Variants in SKAP1 observed in about 807,000 individuals in gnomAD.
The protein encoded by SKAP1 is src kinase-associated phosphoprotein 1.
In SKAP1, 44 loss-of-function variants were observed where a neutral mutation model predicts 58.5. The ratio of observed to expected loss-of-function variants is 0.75; its 90% CI spans 0.59 to 0.97. SKAP1 has a LOEUF of 0.97. Ranked by LOEUF, SKAP1 falls within the 50% of genes least tolerant of loss-of-function variation. The pLI is 0.00. For synonymous variants in SKAP1, 127 were observed against 149.7 expected (o/e 0.85, Z 1.11); for missense variants, 390 against 435.2 (o/e 0.90, Z 0.92).
chr17:48,442,465 A>G, the SKAP1 span, among the ~76,000 whole-genome samples: 1 of 152,126 alleles, frequency 6.6e-6, no homozygotes, highest in African/African-American at 2.4e-5. Context: ...CACTCACTGA[A>G]GCCTTAGTTC....
intron 4 of SKAP1, among the ~76,000 whole-genome samples, chr17:48,274,462 C>T (rs1336730974): frequency 6.6e-6 from 1 of 151,736 alleles, no homozygotes; most frequent in Non-Finnish European, 1.5e-5. Context: ...TTTGGGAGGC[C>T]GAGGCAGGTG....
chr17:48,391,776 A>G (rs1217525160), intron 2 of SKAP1, among the ~76,000 whole-genome samples: 1 of 138,834 alleles, frequency 7.2e-6, no homozygotes, highest in Admixed American at 7.7e-5. Context: ...TCATTCAACT[A>G]CCTCTTCCTT....
chr17:48,199,655 T>G (rs1172985139), intron 4 of SKAP1, among the ~76,000 whole-genome samples: 1 of 152,172 alleles, frequency 6.6e-6, no homozygotes, highest in Non-Finnish European at 1.5e-5. Context: ...CGTGCTCCAT[T>G]CTTGCCACTT....
At chr17:48,204,814 C>G (rs1254821124) in intron 4 of SKAP1, among the ~76,000 whole-genome samples, 1 of 152,078 alleles carries the variant, frequency 6.6e-6, no homozygotes, top group Non-Finnish European at 1.5e-5. Context: ...AGCTCTGATG[C>G]AGAATCTGAG....
intron 4 of SKAP1, among the ~76,000 whole-genome samples, chr17:48,331,484 G>A (rs1024768106): frequency 3.9e-5 from 6 of 152,076 alleles, no homozygotes; most frequent in African/African-American, 1.4e-4. Context: ...CGGATCACCT[G>A]AGGTCGGGAG....
intron 4 of SKAP1, among the ~76,000 whole-genome samples, chr17:48,319,553 T>A (rs1446422539): frequency 6.6e-6 from 1 of 152,198 alleles, no homozygotes; most frequent in Admixed American, 6.5e-5. Flanking sequence ...CCAGTAATTT[T>A]AAAATTCTGG....
chr17:48,190,584 T>G (rs1350495198), intron 4 of SKAP1, among the ~76,000 whole-genome samples: 7 of 152,176 alleles, frequency 4.6e-5, no homozygotes, highest in Admixed American at 3.3e-4. Flanking sequence ...TTTTTTTCTC[T>G]TAACAAACAG....
At chr17:48,197,216 C>T (rs972443247) in intron 4 of SKAP1, among the ~76,000 whole-genome samples, 9 of 144,424 alleles carry the variant, frequency 6.2e-5, no homozygotes, top group Non-Finnish European at 1.2e-4. Flanking sequence ...CGAGATTGCG[C>T]CACTGCACTC....
chr17:48,443,138 G>A, the SKAP1 span, among the ~76,000 whole-genome samples: 3 of 152,112 alleles, frequency 2.0e-5, no homozygotes, highest in South Asian at 6.2e-4. Flanking sequence ...CATGCTTCAA[G>A]TCTCAACTTC....
chr17:48,357,629 C>CA (rs201907150), intron 3 of SKAP1, among the ~76,000 whole-genome samples: 2,425 of 148,524 alleles, frequency 0.016, 75 homozygotes, highest in African/African-American at 0.058. Flanking sequence ...GACTCTGTCT[C>CA]AGAAAAAAAG....
intron 1 of SKAP1, among the ~76,000 whole-genome samples, chr17:48,426,036 A>G (rs1012001568): frequency 6.6e-6 from 1 of 152,190 alleles, no homozygotes; most frequent in Admixed American, 6.5e-5. Flanking sequence ...GATCACAAAT[A>G]TTTATAAGAA....
chr17:48,435,384 A>T, the SKAP1 span, among the ~76,000 whole-genome samples: 1 of 152,000 alleles, frequency 6.6e-6, no homozygotes, highest in Non-Finnish European at 1.5e-5. Flanking sequence ...TGAAGTGGAG[A>T]TGGGGGGACT....
At chr17:48,373,847 A>G (rs71377358) in intron 2 of SKAP1, among the ~76,000 whole-genome samples, 4,468 of 152,284 alleles carry the variant, frequency 0.029, 241 homozygotes, top group African/African-American at 0.1. Context: ...AGAAAGGCCA[A>G]CATCTGTGAT....
rs1441641292 is a variant in SKAP1 at position 48,405,450 on chromosome 17, T to TTTCC, written c.47-8666_47-8665insGGAA. Among the ~76,000 whole-genome samples, 229 of 94,044 alleles carry TTTCC rather than the reference T, an allele frequency of 2.4e-3. 6 individuals carry two copies. Among genetic ancestry groups the TTTCC allele is most frequent in the African/African-American group, 7.6e-3 (195 of 25,574 alleles). 61.7% of individuals were successfully genotyped at this position (94,044 alleles called of 152,430 possible). On this transcript the variant is annotated intron_variant, in intron 1 of 12. Transcript: ENST00000336915. ...CTTTCTTTCTTTCTTTCTTTCTTTC[T>TTTCC]TTTCTTTCTTTCTTTCCTTCCTTCC...
At chr17:48,397,492 C>T (rs2067436685) in intron 1 of SKAP1, among the ~76,000 whole-genome samples, 1 of 152,198 alleles carries the variant, frequency 6.6e-6, no homozygotes, top group South Asian at 2.1e-4. Context: ...TCCCCAACTG[C>T]TGGGATTACA....
chr17:48,339,309 T>A (rs925410752), intron 4 of SKAP1, among the ~76,000 whole-genome samples: 2 of 152,212 alleles, frequency 1.3e-5, no homozygotes, highest in Non-Finnish European at 2.9e-5. Context: ...CTTGAATATA[T>A]GTATGTATGC....
At chr17:48,327,735 C>T (rs1256846955) in intron 4 of SKAP1, among the ~76,000 whole-genome samples, 1 of 152,172 alleles carries the variant, frequency 6.6e-6, no homozygotes, top group Non-Finnish European at 1.5e-5. Context: ...CTCAAGCCGT[C>T]CTCCCTCAGC....
intron 1 of SKAP1, among the ~76,000 whole-genome samples, chr17:48,427,135 C>T (rs1000711858): frequency 1.3e-5 from 2 of 152,310 alleles, no homozygotes; most frequent in African/African-American, 4.8e-5. Context: ...CCAATGTTAA[C>T]AGTCTGGTAT....
At chr17:48,183,022 C>A (rs947754398) in intron 7 of SKAP1, among the ~76,000 whole-genome samples, 4 of 152,158 alleles carry the variant, frequency 2.6e-5, no homozygotes, top group Non-Finnish European at 5.9e-5. Flanking sequence ...CCTGGCAGAT[C>A]AGCTTGACTG....
Sources: allele counts gnomAD v4.1 joint callset (sites outside exome capture counted in the v4.1 genomes callset), GRCh38; gene constraint gnomAD v4.1.1; transcripts MANE v1.5; gene names NCBI Gene and HGNC (gene_info 2026-07-23, HGNC 2026-07-21).